DGKK: variants seen among roughly 807,000 people sequenced by gnomAD.
The protein encoded by DGKK is diacylglycerol kinase kappa.
Under a neutral mutation model 92.2 loss-of-function variants are expected in DGKK, and 35 were observed. The observed-to-expected ratio is 0.38, with a 90% CI of 0.29 to 0.50. The LOEUF is 0.50. DGKK is among the 20% of genes least tolerant of loss of function. The pLI is 0.92. For missense variants in DGKK, 910 were observed against 992.2 expected, an observed-to-expected ratio of 0.92 and a Z score of 1.11; for synonymous variants, 368 against 360.6, an observed-to-expected ratio of 1.02 and a Z score of -0.23.
intron 26 of DGKK, 22 bp from the exon 27 acceptor site, chrX:50,370,571 G>T: frequency 1.7e-6 from 2 of 1,186,272 alleles, no homozygotes; most frequent in Non-Finnish European, 2.3e-6. Flanking sequence ...CAAGAGGAAG[G>T]TCAAAATGTT....
At chrX:50,405,354 T>C (rs1925123869) in intron 4 of DGKK, among the ~76,000 whole-genome samples, 1 of 112,018 alleles carries the variant, frequency 8.9e-6, no homozygotes, top group Non-Finnish European at 1.9e-5. Flanking sequence ...TTACACCTTT[T>C]CACTAATTCC....
At chrX:50,419,848 T>C (rs1557228938) in intron 4 of DGKK, among the ~76,000 whole-genome samples, 1 of 111,608 alleles carries the variant, frequency 9.0e-6, no homozygotes, top group Admixed American at 9.5e-5. Flanking sequence ...CTGCTAAGCT[T>C]TGGAGAGGAT....
At chrX:50,396,208 C>T (rs1284442954) in intron 8 of DGKK, among the ~76,000 whole-genome samples, 2 of 111,353 alleles carry the variant, frequency 1.8e-5, no homozygotes, top group South Asian at 3.8e-4. Context: ...AAGAGCAAGG[C>T]GCAGAACAAT....
chrX:50,380,076 T>C lies in DGKK; in HGVS notation c.2659A>G (p.Ser887Gly), dbSNP rs1557224302. 1 of 1,200,789 alleles carries C rather than the reference T, an allele frequency of 8.3e-7. No individual in the cohort carries two copies. The highest frequency in any genetic ancestry group is 1.1e-6 in the Non-Finnish European group (1 of 885,420). The change falls in exon 19 of 28, where the codon AGC becomes GGC. Residue 887 changes from serine (S) to glycine (G), a missense_variant and splice_region_variant. Transcript: ENST00000611977. ...RRDEHPGQYN[S>G]RLKNKMWYGL... Reference sequence around the variant, plus strand: ...TACCACATCTTGTTCTTAAGGCGGCTACTACATGGAGGTAAGCATTAAGAA... The same window carrying C: ...TACCACATCTTGTTCTTAAGGCGGCCACTACATGGAGGTAAGCATTAAGAA...
rs1557234486 is a variant in DGKK, at chrX:50,470,504, G to A, written c.175C>T (p.Pro59Ser). The A allele has an allele frequency of 8.3e-7, 1 of 1,211,407 alleles. No homozygotes were observed. The highest frequency in any genetic ancestry group is 2.2e-5 in the Admixed American group (1 of 46,097). ...GGACAGGGACCTGGAGCAAGCTCTG[G>A]ACAGGGCTCTGGTATGGGTTCTGGC... Reference protein sequence around the residue: ...ASPEPIPEPCPELAPGPCPEA... With the variant: ...ASPEPIPEPCSELAPGPCPEA... The change falls in exon 1 of 28, where the codon CCA becomes TCA. Residue 59 changes from proline (P) to serine (S), a missense_variant. Pro to Ser is a moderately conservative substitution (Grantham distance 74). Transcript: ENST00000611977.
At chrX:50,465,435 C>A in intron 1 of DGKK, among the ~76,000 whole-genome samples, 1 of 100,352 alleles carries the variant, frequency 1.0e-5, no homozygotes, top group African/African-American at 3.6e-5. Context: ...TGCTTGCTTG[C>A]TTTTTTTTTT....
rs1923957588 is a variant in DGKK at position 50,365,693 on chromosome X, A to G, written c.*3247T>C. ...ACAAATGCAATTCCACAAATCATAT[A>G]GCCAAGCAAGGTCTCATATAGGATG... On this transcript the variant is annotated 3_prime_UTR_variant, in exon 28 of 28. Transcript: ENST00000611977. 9.0e-6 allele frequency: 1 copy of G among 111,623 alleles called. No homozygotes were observed. The highest frequency in any genetic ancestry group is 1.9e-5 in the Non-Finnish European group (1 of 53,145). 9.2% of individuals were successfully genotyped at this position (111,623 alleles called of 1,213,427 possible).
chrX:50,393,039 G>T (rs1049680472), intron 9 of DGKK, 113 bp downstream of exon 9: 9 of 646,254 alleles, frequency 1.4e-5, no homozygotes, highest in Non-Finnish European at 2.1e-5. Flanking sequence ...TGAGAAAATA[G>T]ACCTTTCCTG....
Position 50,367,721 on chromosome X carries a change from A to G in DGKK, c.*1219T>C, listed in dbSNP as rs1557222612. On this transcript the variant is annotated 3_prime_UTR_variant, in exon 28 of 28. Coordinates refer to ENST00000611977, the MANE Select transcript of DGKK (RefSeq NM_001013742.4). ...TAGTCTTTTTATTGGGGAAGGGCAC[A>G]GTTGCTGATGAAGAGTCTAGGACAG... The G allele has an allele frequency of 9.0e-6, 1 of 111,638 alleles. No individual in the cohort carries two copies. The highest frequency in any genetic ancestry group is 3.3e-5 in the African/African-American group (1 of 30,665). 9.2% of individuals were successfully genotyped at this position (111,638 alleles called of 1,213,427 possible).
At chrX:50,405,791 T>C (rs1925138162) in intron 4 of DGKK, among the ~76,000 whole-genome samples, 1 of 111,770 alleles carries the variant, frequency 8.9e-6, no homozygotes, top group Non-Finnish European at 1.9e-5. Context: ...TTGTAATGTT[T>C]ATTGTACATT....
Position 50,378,652 on chromosome X carries a change from C to T in DGKK, c.2902G>A (p.Val968Met). 3 of 1,208,895 alleles carry T rather than the reference C, an allele frequency of 2.5e-6. No homozygotes were observed. The highest frequency in any genetic ancestry group is 3.4e-6 in the Non-Finnish European group (3 of 894,109). Residue 968 changes from valine to methionine, a missense_variant, in exon 21 of 28, where the codon GTG becomes ATG. Coordinates refer to ENST00000611977, the MANE Select transcript of DGKK (RefSeq NM_001013742.4). ...APAIDDGKLE[V>M]VAIFGSVQMA... ...TGCACAGAACCAAAGATTGCCACCACCTCCAGTTTCCCATCATCGATTGCA... is the reference window on the plus strand; with the variant it reads ...TGCACAGAACCAAAGATTGCCACCATCTCCAGTTTCCCATCATCGATTGCA...
intron 1 of DGKK, among the ~76,000 whole-genome samples, chrX:50,466,123 T>C (rs186970489): frequency 1.2e-4 from 13 of 105,648 alleles, no homozygotes; most frequent in Admixed American, 3.1e-4. Context: ...GCATAAGAAT[T>C]GTACTCTGAG....
At chrX:50,382,746 G>C (rs1924444500) in intron 17 of DGKK, 143 bp from the exon 18 acceptor site, 1 of 419,983 alleles carries the variant, frequency 2.4e-6, no homozygotes, top group Non-Finnish European at 4.1e-6. Flanking sequence ...ACATTTTTGA[G>C]AGGCACATGT....
At chrX:50,438,890 TTAA>T (rs1410889394) in intron 1 of DGKK, among the ~76,000 whole-genome samples, 1 of 111,667 alleles carries the variant, frequency 9.0e-6, no homozygotes, top group Non-Finnish European at 1.9e-5. Flanking sequence ...AGCCTCCTAC[TTAA>T]TTTAACACTG....
At chrX:50,371,885 G>C in intron 25 of DGKK, 51 bp from the exon 26 acceptor site, 1 of 822,917 alleles carries the variant, frequency 1.2e-6, no homozygotes, top group Non-Finnish European at 1.8e-6. Context: ...CACTTTTGTA[G>C]ACTCTTACAC....
At chrX:50,379,566 T>C (rs1924361064) in intron 20 of DGKK, 61 bp downstream of exon 20, 1 of 992,150 alleles carries the variant, frequency 1.0e-6, no homozygotes, top group African/African-American at 1.9e-5. Context: ...CAATGCTTCC[T>C]TCAGAGAGAC....
chrX:50,445,140 T>C (rs1345795183), intron 1 of DGKK, among the ~76,000 whole-genome samples: 2 of 104,756 alleles, frequency 1.9e-5, no homozygotes, highest in Admixed American at 1.0e-4. Context: ...TTTTTTTTTT[T>C]TTGTAAATCT....
intron 27 of DGKK, among the ~76,000 whole-genome samples, chrX:50,369,794 G>A (rs782356838): frequency 9.9e-5 from 11 of 111,446 alleles, no homozygotes; most frequent in Non-Finnish European, 1.9e-4. Flanking sequence ...GAACTCCTGG[G>A]CTCAAACAGT....
chrX:50,391,109 T>C (rs1441833918), intron 11 of DGKK, among the ~76,000 whole-genome samples: 1 of 111,280 alleles, frequency 9.0e-6, no homozygotes, highest in Non-Finnish European at 1.9e-5. Flanking sequence ...TTTGTTGTTG[T>C]TGTTTTTGTT....
Sources: allele counts gnomAD v4.1 joint callset (sites outside exome capture counted in the v4.1 genomes callset), GRCh38; gene constraint gnomAD v4.1.1; transcripts MANE v1.5; gene names NCBI Gene and HGNC (gene_info 2026-07-23, HGNC 2026-07-21).